Variants in FOXP2 observed in about 807,000 individuals in gnomAD.
FOXP2 encodes forkhead box P2.
FOXP2 carries 12 observed loss-of-function variants against 115.8 expected under a neutral mutation model. The ratio of observed to expected loss-of-function variants is 0.10; its 90% CI spans 0.07 to 0.17. The LOEUF (loss-of-function observed/expected upper bound fraction) is 0.17, where lower values mean the gene tolerates loss of function less well. Among genes scored for constraint, FOXP2 ranks in the 10% least tolerant of loss-of-function variants. The probability of loss-of-function intolerance (pLI) is 1.00; values close to 1 mark genes in which losing one functional copy is unlikely to be tolerated. For synonymous variants in FOXP2, 328 were observed against 297.7 expected, an observed-to-expected ratio of 1.10 and a Z score of -1.05; for missense variants, 629 against 843.5, an observed-to-expected ratio of 0.75 and a Z score of 3.15.
rs566377771 is a variant in FOXP2 at position 114,688,306 on chromosome 7, A to G, written c.2004-1476A>G. Among the ~76,000 whole-genome samples the G allele has an allele frequency of 7.2e-5, 11 of 151,868 alleles. No homozygotes were observed. In the East Asian group the frequency reaches 1.9e-3, roughly 27 times the overall value. On this transcript the variant is annotated intron_variant, in intron 16 of 16. Transcript: ENST00000350908. The stretch of plus-strand genomic sequence containing the variant: ...AACATGCCTGGTTCAAACTAGCTAA[A>G]AAACGTATAATTTACTAACACCAAA...
chr7:114,218,677 A>G (rs1191454874), intron 1 of FOXP2, among the ~76,000 whole-genome samples: 3 of 152,214 alleles, frequency 2.0e-5, no homozygotes, highest in Admixed American at 6.5e-5. Flanking sequence ...AGGAAAGTCC[A>G]ATGAGTGTCA....
At chr7:114,130,843 A>T (rs555613762) in intron 1 of FOXP2, among the ~76,000 whole-genome samples, 2 of 152,352 alleles carry the variant, frequency 1.3e-5, no homozygotes, top group South Asian at 4.1e-4. Flanking sequence ...TTAATTTTTG[A>T]AAAGGAAATG....
intron 2 of FOXP2, among the ~76,000 whole-genome samples, chr7:114,293,503 C>T (rs1175270276): frequency 1.3e-5 from 2 of 152,132 alleles, no homozygotes; most frequent in Non-Finnish European, 2.9e-5. Flanking sequence ...GATTCCTGAG[C>T]CTCAGTAACT....
chr7:114,166,631 G>A (rs912311367), intron 1 of FOXP2, among the ~76,000 whole-genome samples: 2 of 152,134 alleles, frequency 1.3e-5, no homozygotes, highest in African/African-American at 4.8e-5. Context: ...CTTGAACCTG[G>A]GAGGCAGAGG....
In FOXP2 at chr7:114,693,708, C is replaced by A. The variant is rs1380877349; in HGVS notation, c.*3782C>A. 2.9e-6 allele frequency: 1 copy of A among 340,006 alleles called. No homozygotes were observed. The highest frequency in any genetic ancestry group is 2.2e-5 in the African/African-American group (1 of 46,092). The allele number at this position is 340,006 out of a possible 1,614,324, so 21.1% of individuals were successfully genotyped here. A position where few individuals can be genotyped will look rare whatever the true frequency, so the allele number is the denominator to read the frequency against. On this transcript the variant is annotated 3_prime_UTR_variant, in exon 17 of 17. Coordinates refer to ENST00000350908, the MANE Select transcript of FOXP2 (RefSeq NM_014491.4). ...TGTAAAAATGTATATGAAACCATTT[C>A]ATTCACTTGATTACATTTCTGAAGT...
intron 16 of FOXP2, among the ~76,000 whole-genome samples, chr7:114,679,357 C>T (rs898335051): frequency 4.6e-5 from 7 of 152,182 alleles, no homozygotes; most frequent in African/African-American, 1.7e-4. Context: ...AATCCTACCA[C>T]CTTAGTGGTC....
chr7:114,325,887 G>A lies in FOXP2; in HGVS notation c.-11+37778G>A, dbSNP rs549408517. On this transcript the variant is annotated intron_variant, in intron 2 of 17. Coordinates refer to the FOXP2 transcript ENST00000634411. ...GCTAGATGGAATCATAGTTTTTCCA[G>A]ATGCTTAGACCTACAATAATTTTGT... Among the ~76,000 whole-genome samples the A allele has an allele frequency of 2.6e-5, 4 of 152,146 alleles. No homozygotes were observed. The South Asian group carries it at 8.3e-4, about 32-fold the overall frequency.
chr7:114,185,617 A>T (rs1273214207), intron 1 of FOXP2, among the ~76,000 whole-genome samples: 1 of 152,134 alleles, frequency 6.6e-6, no homozygotes, highest in Non-Finnish European at 1.5e-5. Flanking sequence ...CTCAGAAGCA[A>T]AGAATCCCAA....
chr7:114,485,586 A>G (rs1314657481), intron 2 of FOXP2, among the ~76,000 whole-genome samples: 3 of 152,016 alleles, frequency 2.0e-5, no homozygotes, highest in Admixed American at 6.6e-5. Context: ...AATCTAGACA[A>G]TATTACACTT....
intron 1 of FOXP2, among the ~76,000 whole-genome samples, chr7:114,153,586 C>G (rs1792579923): frequency 6.6e-6 from 1 of 152,036 alleles, no homozygotes; most frequent in African/African-American, 2.4e-5. Context: ...ACCTTTTAAC[C>G]TTGTCAAATG....
chr7:114,210,695 G>A (rs1839562), intron 1 of FOXP2, among the ~76,000 whole-genome samples: 89,679 of 151,916 alleles, frequency 0.59, 28,494 homozygotes, highest in Admixed American at 0.76. Flanking sequence ...TGCGTTGGGG[G>A]AAACCCTTCC....
chr7:114,276,456 C>T (rs1796191185), intron 1 of FOXP2, among the ~76,000 whole-genome samples: 1 of 152,140 alleles, frequency 6.6e-6, no homozygotes, highest in African/African-American at 2.4e-5. Flanking sequence ...TGAGCCACCA[C>T]ACCCGGCCAC....
chr7:114,682,159 G>A (rs757932301), intron 16 of FOXP2, among the ~76,000 whole-genome samples: 53 of 152,240 alleles, frequency 3.5e-4, no homozygotes, highest in Middle Eastern at 6.8e-3. Flanking sequence ...GAGAGGTTAA[G>A]TAGCTTTTCC....
chr7:114,124,015 C>G (rs1158916656), intron 1 of FOXP2, among the ~76,000 whole-genome samples: 1 of 151,976 alleles, frequency 6.6e-6, no homozygotes, highest in African/African-American at 2.4e-5. Flanking sequence ...TCTGATATAT[C>G]AAAATATTTT....
At chr7:114,264,734 C>A (rs1795853157) in intron 1 of FOXP2, among the ~76,000 whole-genome samples, 1 of 152,094 alleles carries the variant, frequency 6.6e-6, no homozygotes, top group South Asian at 2.1e-4. Context: ...GGCTGTATAA[C>A]CATGCAACCA....
At chr7:114,514,801 T>C (rs1196673935) in intron 2 of FOXP2, among the ~76,000 whole-genome samples, 3 of 152,030 alleles carry the variant, frequency 2.0e-5, no homozygotes, top group South Asian at 2.1e-4. Context: ...TGTGCCATGC[T>C]GGTGTGCTGC....
At chr7:114,141,152 A>G (rs761336176) in intron 1 of FOXP2, among the ~76,000 whole-genome samples, 2 of 152,196 alleles carry the variant, frequency 1.3e-5, no homozygotes, top group Non-Finnish European at 2.9e-5. Context: ...CATATTTACC[A>G]GTAAGCTAAG....
At chr7:114,454,511 A>G (rs1414594803) in intron 2 of FOXP2, among the ~76,000 whole-genome samples, 1 of 151,452 alleles carries the variant, frequency 6.6e-6, no homozygotes, top group Non-Finnish European at 1.5e-5. Flanking sequence ...CAGCCATCCC[A>G]TTACTGGGTA....
At chr7:114,529,895 A>G (rs1412659224) in intron 2 of FOXP2, among the ~76,000 whole-genome samples, 1 of 151,932 alleles carries the variant, frequency 6.6e-6, no homozygotes, top group East Asian at 1.9e-4. Context: ...CCTTTCTGGA[A>G]GGATCTGAAT....
Sources: gnomAD v4.1 joint callset for allele counts (sites outside exome capture counted in the v4.1 genomes callset) on GRCh38, gnomAD v4.1.1 for gene constraint, MANE v1.5 for transcripts, NCBI Gene and HGNC (gene_info 2026-07-23, HGNC 2026-07-21) for gene names.